Variants in FCF1 observed in about 807,000 individuals in gnomAD.
The protein encoded by FCF1 is rRNA-processing protein FCF1 homolog.
Under a neutral mutation model 32.5 loss-of-function variants are expected in FCF1, and 17 were observed. That is an observed-to-expected ratio of 0.52 (90% CI 0.36 to 0.78). FCF1 has a LOEUF of 0.78. Ranked by LOEUF, FCF1 falls within the 30% of genes least tolerant of loss-of-function variation. The pLI, the probability that FCF1 is intolerant of heterozygous loss-of-function variation, is 0.00. For synonymous variants in FCF1, 84 were observed against 78.4 expected (o/e 1.07, Z -0.38); for missense variants, 201 against 241.1 (o/e 0.83, Z 1.10).
chr14:74,713,224 G>C, intron 1 of FCF1, 24 bp downstream of exon 1: 1 of 1,614,194 alleles, frequency 6.2e-7, no homozygotes, highest in Admixed American at 1.7e-5. Flanking sequence ...GTCCAAGAAG[G>C]GACGTTATCA....
In FCF1 at chr14:74,738,258, C is replaced by T. The variant is rs1048388344; in HGVS notation, c.*3328C>T. ...GATGGGATTTTGCCTTATTGCCCAC[C>T]TTGGCCTTCTAAAGTATTGGGATTA... On this transcript the variant is annotated 3_prime_UTR_variant, in exon 8 of 8. Coordinates refer to ENST00000341162, the MANE Select transcript of FCF1 (RefSeq NM_015962.5). 2.0e-5 allele frequency: 3 copies of T among 152,070 alleles called. No individual in the cohort carries two copies. The highest frequency in any genetic ancestry group is 7.2e-5 in the African/African-American group (3 of 41,412). The allele number at this position is 152,070 out of a possible 1,614,324, so 9.4% of individuals were successfully genotyped here.
chr14:74,731,575 C>G (rs1235501558), intron 5 of FCF1, among the ~76,000 whole-genome samples: 1 of 152,152 alleles, frequency 6.6e-6, no homozygotes, highest in Non-Finnish European at 1.5e-5. Flanking sequence ...CTCTTTCTAG[C>G]CCCATTTCAT....
At chr14:74,734,730 T>C in intron 7 of FCF1, 152 bp from the exon 8 acceptor site, 1 of 670,626 alleles carries the variant, frequency 1.5e-6, no homozygotes, top group Non-Finnish European at 2.7e-6. Context: ...CATTTTGCTG[T>C]AAATCATTCA....
At position 74,717,426 on chromosome 14, in the gene FCF1, G is replaced by GA. The variant is rs1236510392; in HGVS notation, c.292+1334dup. Among the ~76,000 whole-genome samples, 26 of 152,118 alleles carry GA rather than the reference G, an allele frequency of 1.7e-4. No individual in the cohort carries two copies. In the East Asian group the frequency reaches 2.5e-3, roughly 15 times the overall value. On this transcript the variant is annotated intron_variant, in intron 4 of 7. Coordinates refer to ENST00000341162, the MANE Select transcript of FCF1 (RefSeq NM_015962.5). ...AGATGTGAAGGTAGCCATCAGATGA[G>GA]AAAAAAATGGAGCTAATGGAATAAA...
intron 4 of FCF1, among the ~76,000 whole-genome samples, chr14:74,716,499 A>G (rs1427797232): frequency 6.6e-6 from 1 of 152,212 alleles, no homozygotes; most frequent in African/African-American, 2.4e-5. Flanking sequence ...ACATTCTGCC[A>G]TTTATGATCA....
At position 74,716,203 on chromosome 14, in the gene FCF1, G is replaced by A. The variant is rs2090417346; in HGVS notation, c.292+104G>A. The stretch of plus-strand genomic sequence containing the variant: ...TGGGGTTCTTGTTAACTGAATTGCT[G>A]GCCATTTAATTTACAGTGGTCACCA... On this transcript the variant is annotated intron_variant, in intron 4 of 7. Transcript: ENST00000341162. 6 of 1,127,208 alleles carry A rather than the reference G, an allele frequency of 5.3e-6. No individual in the cohort carries two copies. The South Asian group carries it at 8.5e-5, about 16-fold the overall frequency. 69.8% of individuals were successfully genotyped at this position (1,127,208 alleles called of 1,614,324 possible). A position where few individuals can be genotyped will look rare whatever the true frequency, so the allele number is the denominator to read the frequency against.
At chr14:74,717,590 G>A (rs904759946) in intron 4 of FCF1, among the ~76,000 whole-genome samples, 7 of 152,174 alleles carry the variant, frequency 4.6e-5, no homozygotes, top group African/African-American at 1.7e-4. Flanking sequence ...ATAATCTAAA[G>A]TTGAGGTGCT....
rs1338269415 is a variant in FCF1 at position 74,735,317 on chromosome 14, CAG to C, written c.*388_*389del. 9.5e-5 allele frequency: 15 copies of C among 158,350 alleles called. 1 individual carries two copies. The highest frequency in any genetic ancestry group is 5.5e-4 in the East Asian group (3 of 5,436). 9.8% of individuals were successfully genotyped at this position (158,350 alleles called of 1,614,324 possible). A position where few individuals can be genotyped will look rare whatever the true frequency, so the allele number is the denominator to read the frequency against. On this transcript the variant is annotated 3_prime_UTR_variant, in exon 8 of 8. Coordinates refer to ENST00000341162, the MANE Select transcript of FCF1 (RefSeq NM_015962.5). ...CCTTGCAGCTGCACAGCTAGAGAAACAGGGTATTTACAATGCCTGGGAAAGGA... is the reference window on the plus strand; with the variant it reads ...CCTTGCAGCTGCACAGCTAGAGAAACGGTATTTACAATGCCTGGGAAAGGA...
chr14:74,720,928 G>C (rs112184721), intron 4 of FCF1, among the ~76,000 whole-genome samples: 1,755 of 150,528 alleles, frequency 0.012, 26 homozygotes, highest in African/African-American at 0.04. Flanking sequence ...ACCCAGGCTG[G>C]AGTGCAGTGG....
At chr14:74,728,849 A>G (rs1284769700) in intron 5 of FCF1, among the ~76,000 whole-genome samples, 2 of 152,164 alleles carry the variant, frequency 1.3e-5, no homozygotes, top group East Asian at 1.9e-4. Context: ...TTCTGCATCT[A>G]TTGAGATAAT....
At chr14:74,721,772 G>A (rs1462411994) in intron 4 of FCF1, among the ~76,000 whole-genome samples, 2 of 152,108 alleles carry the variant, frequency 1.3e-5, no homozygotes, top group Admixed American at 6.6e-5. Context: ...CTATTCTATT[G>A]TTTAAATACA....
chr14:74,734,665 C>G (rs2090683066), intron 7 of FCF1, among the ~76,000 whole-genome samples: 1 of 152,164 alleles, frequency 6.6e-6, no homozygotes, highest in Non-Finnish European at 1.5e-5. Flanking sequence ...CTCCTCAGTT[C>G]CCCTCTTGCT....
At chr14:74,727,434 G>A (rs967126938) in intron 5 of FCF1, among the ~76,000 whole-genome samples, 29 of 152,070 alleles carry the variant, frequency 1.9e-4, no homozygotes, top group African/African-American at 6.0e-4. Context: ...CATGTCCTTC[G>A]CCCACTTTTT....
chr14:74,716,683 A>G (rs1455077818), intron 4 of FCF1, among the ~76,000 whole-genome samples: 1 of 152,194 alleles, frequency 6.6e-6, no homozygotes, highest in Non-Finnish European at 1.5e-5. Context: ...TTCCTTCACT[A>G]CCATGAACAG....
intron 4 of FCF1, among the ~76,000 whole-genome samples, chr14:74,721,819 G>A (rs960813452): frequency 6.6e-6 from 1 of 152,062 alleles, no homozygotes; most frequent in African/African-American, 2.4e-5. Flanking sequence ...AGGTATTTTG[G>A]TTATTTCCAG....
At chr14:74,715,716 T>C in intron 3 of FCF1, 1 of 827,070 alleles carries the variant, frequency 1.2e-6, no homozygotes, top group East Asian at 3.0e-5. Context: ...GCTTTTTTTG[T>C]TTGTTTGTTT....
rs889086200 is a variant in FCF1, at chr14:74,723,342, A to G, written c.363A>G (p.Leu121=). The part of the protein sequence containing the change: ...EKLGQKYRVA[L]RIAKDPRFER... ...TGGGGCAGAAGTATCGAGTGGCTCT[A>G]AGGTAGGAAGGAGGTAAACTAGATC... The change falls in exon 5 of 8, where the codon CTA becomes CTG. Residue 121 remains leucine, a splice_region_variant and synonymous_variant. Coordinates refer to ENST00000341162, the MANE Select transcript of FCF1 (RefSeq NM_015962.5). The G allele has an allele frequency of 6.8e-6, 11 of 1,609,934 alleles. No individual in the cohort carries two copies. Among genetic ancestry groups the G allele is most frequent in the Non-Finnish European group, 8.5e-6 (10 of 1,176,582 alleles).
chr14:74,715,051 A>G, intron 3 of FCF1, 108 bp downstream of exon 3: 3 of 1,126,844 alleles, frequency 2.7e-6, no homozygotes, highest in South Asian at 3.4e-5. Context: ...GTCTAGCACA[A>G]CTATGTAGAT....
At chr14:74,724,990 A>G (rs1282273983) in intron 5 of FCF1, among the ~76,000 whole-genome samples, 2 of 151,784 alleles carry the variant, frequency 1.3e-5, no homozygotes, top group African/African-American at 2.4e-5. Context: ...TTTCGCTGTT[A>G]TATGTGTGTA....
Sources: gnomAD v4.1 joint callset for allele counts (sites outside exome capture counted in the v4.1 genomes callset) on GRCh38, gnomAD v4.1.1 for gene constraint, MANE v1.5 for transcripts, NCBI Gene and HGNC (gene_info 2026-07-23, HGNC 2026-07-21) for gene names.